The following CIPC variants were observed in gnomAD, a reference collection of about 807,000 sequenced individuals.
The protein encoded by CIPC is CLOCK-interacting pacemaker.
Under a neutral mutation model 26.7 loss-of-function variants are expected in CIPC, and 12 were observed. That is an observed-to-expected ratio of 0.45 (90% CI 0.29 to 0.73). The LOEUF (loss-of-function observed/expected upper bound fraction) is 0.73, where lower values mean the gene tolerates loss of function less well. CIPC is among the 30% of genes least tolerant of loss of function. The pLI, the probability that CIPC is intolerant of heterozygous loss-of-function variation, is 0.12. For synonymous variants in CIPC, 170 were observed against 189.8 expected, an observed-to-expected ratio of 0.90 and a Z score of 0.86; for missense variants, 417 against 486.5, an observed-to-expected ratio of 0.86 and a Z score of 1.34.
At chr14:77,102,041 G>A (rs545683283) in intron 1 of CIPC, among the ~76,000 whole-genome samples, 10 of 152,272 alleles carry the variant, frequency 6.6e-5, no homozygotes, top group South Asian at 4.2e-4. Flanking sequence ...AGCTGTGATC[G>A]TGCCACTGCG....
chr14:77,107,652 ACACACACT>A (rs1341514679), intron 2 of CIPC, among the ~76,000 whole-genome samples: 140 of 116,182 alleles, frequency 1.2e-3, no homozygotes, highest in African/African-American at 4.0e-3. Context: ...ACACACACAC[ACACACACT>A]CTCTCTCTGA....
rs114624247 is a variant in CIPC, at chr14:77,102,599, C to T, written c.-52-3058C>T. On this transcript the variant is annotated intron_variant, in intron 1 of 3. Coordinates refer to ENST00000361786, the MANE Select transcript of CIPC (RefSeq NM_033426.3). ...TAGCAAGACCTTTTTCATTGTTTTG[C>T]CGCAAGGATTGTAGAAGACTAAATT... 6.0e-3 allele frequency among the ~76,000 whole-genome samples: 906 copies of T among 152,174 alleles called. 11 individuals are homozygous for T. Among genetic ancestry groups the T allele is most frequent in the African/African-American group, 0.021 (861 of 41,510 alleles).
Position 77,113,714 on chromosome 14 carries a change from C to G in CIPC, c.596C>G (p.Ser199Cys), listed in dbSNP as rs995958519. Residue 199 changes from serine (S) to cysteine (C), a missense_variant, in exon 4 of 4, where the codon TCC becomes TGC. Ser to Cys is a moderately radical substitution (Grantham distance 112). Transcript: ENST00000361786. ...CTERLGPSLSSSEPTKAGAVP... is the reference protein window; with the variant it reads ...CTERLGPSLSCSEPTKAGAVP... ...GAGAGACTTGGGCCTAGCTTGTCTTCCAGTGAGCCAACCAAGGCTGGTGCT... is the reference window on the plus strand; with the variant it reads ...GAGAGACTTGGGCCTAGCTTGTCTTGCAGTGAGCCAACCAAGGCTGGTGCT... 7.4e-6 allele frequency: 12 copies of G among 1,612,456 alleles called. No individual in the cohort carries two copies. The highest frequency in any genetic ancestry group is 1.0e-5 in the Non-Finnish European group (12 of 1,178,996).
chr14:77,098,990 C>G (rs543263208), intron 1 of CIPC: 1 of 152,530 alleles, frequency 6.6e-6, no homozygotes, highest in South Asian at 2.1e-4. Flanking sequence ...TGATCCCGGC[C>G]CAGGTCACAG....
In CIPC at chr14:77,113,277, T is replaced by C. The variant is rs1355541160; in HGVS notation, c.307-148T>C. On this transcript the variant is annotated intron_variant, in intron 3 of 3. Transcript: ENST00000361786. ...AAGTATTTGTGATATCAGACACAAA[T>C]AGATGTTCAAACCACTATGTGAGAG... The C allele has an allele frequency of 6.1e-6, 5 of 821,342 alleles. No individual in the cohort carries two copies. In the East Asian group the frequency reaches 1.3e-4, roughly 21 times the overall value. 50.9% of individuals were successfully genotyped at this position (821,342 alleles called of 1,614,324 possible). A position where few individuals can be genotyped will look rare whatever the true frequency, so the allele number is the denominator to read the frequency against.
At chr14:77,109,210 C>T (rs1026731138) in intron 2 of CIPC, among the ~76,000 whole-genome samples, 1 of 152,180 alleles carries the variant, frequency 6.6e-6, no homozygotes, top group African/African-American at 2.4e-5. Context: ...AGGTAAATCA[C>T]TTCAGTAGAT....
chr14:77,101,648 A>C (rs543466493), intron 1 of CIPC, among the ~76,000 whole-genome samples: 1 of 152,240 alleles, frequency 6.6e-6, no homozygotes, highest in Admixed American at 6.5e-5. Context: ...AGAGAAAAAC[A>C]TAACAGTTTT....
intron 1 of CIPC, among the ~76,000 whole-genome samples, chr14:77,102,291 C>G (rs538167792): frequency 6.6e-6 from 1 of 152,216 alleles, no homozygotes; most frequent in South Asian, 2.1e-4. Flanking sequence ...TCTTTATGGC[C>G]AGGAAGTCGA....
At chr14:77,112,139 A>T (rs918884912) in intron 3 of CIPC, among the ~76,000 whole-genome samples, 1 of 152,196 alleles carries the variant, frequency 6.6e-6, no homozygotes, top group Non-Finnish European at 1.5e-5. Flanking sequence ...ACAGTTCGTA[A>T]TGTTCTTCAG....
In CIPC at chr14:77,102,071, G is replaced by A. The variant is rs755326815; in HGVS notation, c.-52-3586G>A. Among the ~76,000 whole-genome samples, 22 of 150,866 alleles carry A rather than the reference G, an allele frequency of 1.5e-4. 1 individual carries two copies. The South Asian group carries it at 1.5e-3, about 10-fold the overall frequency. Reference sequence around the variant, plus strand: ...ACTGCGCTCTAGCCTGAGCAACAGCGTGTGATCCATCTATAAATAAAAAAC... The same window carrying A: ...ACTGCGCTCTAGCCTGAGCAACAGCATGTGATCCATCTATAAATAAAAAAC... On this transcript the variant is annotated intron_variant, in intron 1 of 3. Coordinates refer to ENST00000361786, the MANE Select transcript of CIPC (RefSeq NM_033426.3).
At chr14:77,104,307 C>T (rs959291367) in intron 1 of CIPC, among the ~76,000 whole-genome samples, 1 of 152,156 alleles carries the variant, frequency 6.6e-6, no homozygotes, top group East Asian at 1.9e-4. Context: ...GGATCGCTTC[C>T]ATCTGGGCAG....
Position 77,106,803 on chromosome 14 carries a change from C to G in CIPC, c.136+959C>G, listed in dbSNP as rs1031053433. Reference sequence around the variant, plus strand: ...TTGAAAAGGCAAATTATAAATAGACCGTTGCTCAAAGAGGAACAGAGCGCC... The same window carrying G: ...TTGAAAAGGCAAATTATAAATAGACGGTTGCTCAAAGAGGAACAGAGCGCC... On this transcript the variant is annotated intron_variant, in intron 2 of 3. Coordinates refer to ENST00000361786, the MANE Select transcript of CIPC (RefSeq NM_033426.3). Among the ~76,000 whole-genome samples the G allele has an allele frequency of 2.6e-5, 4 of 152,158 alleles. No homozygotes were observed. The East Asian group carries it at 5.8e-4, about 22-fold the overall frequency.
At position 77,115,495 on chromosome 14, in the gene CIPC, G is replaced by A. The variant is rs1188914028; in HGVS notation, c.*1177G>A. On this transcript the variant is annotated 3_prime_UTR_variant, in exon 4 of 4. Coordinates refer to ENST00000361786, the MANE Select transcript of CIPC (RefSeq NM_033426.3). The stretch of plus-strand genomic sequence containing the variant: ...AGAGGTGTAATGTTGGTTATATGAA[G>A]TTCATCTCAAAATGGAGACCATGAC... 6.6e-6 allele frequency: 1 copy of A among 152,160 alleles called. No homozygotes were observed. The highest frequency in any genetic ancestry group is 1.9e-4 in the East Asian group (1 of 5,206). 9.4% of individuals were successfully genotyped at this position (152,160 alleles called of 1,614,324 possible). A position where few individuals can be genotyped will look rare whatever the true frequency, so the allele number is the denominator to read the frequency against.
Position 77,113,896 on chromosome 14 carries a change from G to T in CIPC, c.778G>T (p.Ala260Ser). ...GGCTAAAGCTCCCAGTCTGACCTTCGCTTCCCCCGCCAGTCCTGTCTGCGC... is the reference window on the plus strand; with the variant it reads ...GGCTAAAGCTCCCAGTCTGACCTTCTCTTCCCCCGCCAGTCCTGTCTGCGC... ...HVAKAPSLTF[A>S]SPASPVCASD... is the part of the protein sequence containing the mutation. The change falls in exon 4 of 4, where the codon GCT becomes TCT. Residue 260 changes from alanine (A) to serine (S), a missense_variant. Physicochemically the swap from Ala to Ser is moderately conservative, Grantham distance 99. Transcript: ENST00000361786. 1.2e-6 allele frequency: 2 copies of T among 1,613,988 alleles called. No individual in the cohort carries two copies. The highest frequency in any genetic ancestry group is 1.1e-5 in the South Asian group (1 of 91,082).
chr14:77,102,451 G>C (rs965107472), intron 1 of CIPC, among the ~76,000 whole-genome samples: 7 of 152,154 alleles, frequency 4.6e-5, no homozygotes, highest in Non-Finnish European at 1.0e-4. Flanking sequence ...CTCAAAAACC[G>C]ATTGTCAGTG....
At chr14:77,102,746 C>T (rs1433441211) in intron 1 of CIPC, among the ~76,000 whole-genome samples, 1 of 152,194 alleles carries the variant, frequency 6.6e-6, no homozygotes, top group Non-Finnish European at 1.5e-5. Flanking sequence ...AGCTACCCTC[C>T]TAATCTAAAT....
intron 3 of CIPC, 70 bp downstream of exon 3, chr14:77,110,051 A>G: frequency 6.9e-7 from 1 of 1,453,200 alleles, no homozygotes; most frequent in South Asian, 1.2e-5. Context: ...ATAAAGGAAG[A>G]GATTTATATT....
At chr14:77,107,627 T>TACACAC (rs35968918) in intron 2 of CIPC, among the ~76,000 whole-genome samples, 90 of 150,474 alleles carry the variant, frequency 6.0e-4, no homozygotes, top group East Asian at 4.3e-3. Context: ...TCGCTCTCTT[T>TACACAC]ACACACACAC....
chr14:77,107,605 G>A (rs1399293453), intron 2 of CIPC, among the ~76,000 whole-genome samples: 1 of 148,118 alleles, frequency 6.8e-6, no homozygotes, highest in Non-Finnish European at 1.5e-5. Context: ...TGCCATATAT[G>A]CTTTCTCTCT....
Sources: gnomAD v4.1 joint callset for allele counts (sites outside exome capture counted in the v4.1 genomes callset) on GRCh38, gnomAD v4.1.1 for gene constraint, MANE v1.5 for transcripts, NCBI Gene and HGNC (gene_info 2026-07-23, HGNC 2026-07-21) for gene names.